Variants in PHKA1 observed in about 807,000 individuals in gnomAD.
PHKA1 encodes phosphorylase b kinase regulatory subunit alpha, skeletal muscle isoform.
Under a neutral mutation model 110.2 loss-of-function variants are expected in PHKA1, and 60 were observed. That is an observed-to-expected ratio of 0.54 (90% CI 0.44 to 0.68). PHKA1 has a LOEUF of 0.68. PHKA1 is among the 30% of genes least tolerant of loss of function. The pLI is 0.00. For missense variants in PHKA1, 801 were observed against 942.5 expected (o/e 0.85, Z 1.97); for synonymous variants, 316 against 333.6 (o/e 0.95, Z 0.58).
At chrX:72,638,373 C>CA (rs781972512) in intron 14 of PHKA1, among the ~76,000 whole-genome samples, 1,060 of 37,849 alleles carry the variant, frequency 0.028, 15 homozygotes, top group African/African-American at 0.073. Context: ...GAGCTTCTCT[C>CA]AAAAAAAAAA....
intron 10 of PHKA1, among the ~76,000 whole-genome samples, chrX:72,654,959 G>A (rs1052722568): frequency 4.6e-5 from 5 of 108,615 alleles, no homozygotes; most frequent in Non-Finnish European, 7.7e-5. Flanking sequence ...CACTACGCCC[G>A]GCTAATTTTT....
intron 28 of PHKA1, among the ~76,000 whole-genome samples, chrX:72,595,239 A>C (rs1477636706): frequency 9.0e-6 from 1 of 111,654 alleles, no homozygotes; most frequent in African/African-American, 3.3e-5. Context: ...AATTCGACAC[A>C]CCTTCATGAT....
chrX:72,656,377 C>T (rs2053497442), intron 9 of PHKA1, 135 bp from the exon 10 acceptor site: 1 of 615,794 alleles, frequency 1.6e-6, no homozygotes, highest in Admixed American at 2.6e-5. Flanking sequence ...TGTACATACT[C>T]CCTTCCCTTA....
chrX:72,668,076 C>T (rs1556307178), intron 6 of PHKA1, among the ~76,000 whole-genome samples: 1 of 111,773 alleles, frequency 8.9e-6, no homozygotes, highest in Admixed American at 9.5e-5. Flanking sequence ...TCTCATATGG[C>T]TATAATAAAG....
intron 14 of PHKA1, among the ~76,000 whole-genome samples, chrX:72,641,193 C>T (rs1217061863): frequency 9.0e-6 from 1 of 111,568 alleles, no homozygotes; most frequent in Non-Finnish European, 1.9e-5. Flanking sequence ...TTAGTTATGT[C>T]ACTATGAATT....
At chrX:72,613,757 G>A (rs928565774) in intron 21 of PHKA1, among the ~76,000 whole-genome samples, 42 of 111,508 alleles carry the variant, frequency 3.8e-4, no homozygotes, top group African/African-American at 1.3e-3. Context: ...CCAACCAAGC[G>A]ATCAAAGTTT....
intron 31 of PHKA1, among the ~76,000 whole-genome samples, 182 bp from the exon 32 acceptor site, chrX:72,581,357 G>A (rs2052334798): frequency 9.0e-6 from 1 of 111,298 alleles, no homozygotes. Flanking sequence ...TTTGTATGCA[G>A]GCATTTTTCA....
intron 12 of PHKA1, among the ~76,000 whole-genome samples, chrX:72,650,960 C>G (rs1326501295): frequency 2.7e-5 from 3 of 111,943 alleles, no homozygotes; most frequent in African/African-American, 9.8e-5. Flanking sequence ...GCAATCCTCC[C>G]GCTTTGGCCT....
chrX:72,619,612 C>A (rs781914033), intron 19 of PHKA1, among the ~76,000 whole-genome samples: 3 of 111,814 alleles, frequency 2.7e-5, no homozygotes, highest in Non-Finnish European at 5.6e-5. Flanking sequence ...TGATGGAATA[C>A]GACATATAAT....
chrX:72,711,604 C>T (rs1569454919), intron 2 of PHKA1, among the ~76,000 whole-genome samples: 2 of 110,908 alleles, frequency 1.8e-5, no homozygotes, highest in Non-Finnish European at 1.9e-5. Context: ...ATTAGCCAGG[C>T]GTGGTGGCAC....
chrX:72,655,349 G>C (rs956919201), intron 10 of PHKA1, among the ~76,000 whole-genome samples: 1 of 111,699 alleles, frequency 9.0e-6, no homozygotes, highest in Non-Finnish European at 1.9e-5. Context: ...GGAGATCGAA[G>C]CTGCAGTGAG....
chrX:72,598,459 C>T (rs922548237), intron 28 of PHKA1, among the ~76,000 whole-genome samples: 5 of 111,423 alleles, frequency 4.5e-5, no homozygotes, highest in Non-Finnish European at 9.4e-5. Flanking sequence ...CTTCAGAATG[C>T]GACACATAGT....
Position 72,602,225 on chromosome X carries a change from A to G in PHKA1, c.2966T>C (p.Ile989Thr), listed in dbSNP as rs1365653749. The change falls in exon 27 of 32, where the codon ATT becomes ACT. Residue 989 changes from isoleucine to threonine, a missense_variant. Physicochemically the swap from Ile to Thr is moderately conservative, Grantham distance 89. This residue lies in a region of PHKA1 where 502 missense variants were observed against 519.2 expected (regional missense o/e 0.97). Transcript: ENST00000373542. ...NVSPAISIHE[I>T]GAVGATKTER... is the part of the protein sequence containing the mutation. ...TGTTTTGGTTGCTCCAACAGCACCA[A>G]TCTCGTGGATAGAAATAGCAGGACT... The G allele has an allele frequency of 8.3e-7, 1 of 1,202,049 alleles. No homozygotes were observed. Among genetic ancestry groups the G allele is most frequent in the Non-Finnish European group, 1.1e-6 (1 of 888,397 alleles).
At chrX:72,622,816 C>T in intron 18 of PHKA1, 1 of 753,760 alleles carries the variant, frequency 1.3e-6, no homozygotes, top group Non-Finnish European at 1.6e-6. Flanking sequence ...CTCTCACTCA[C>T]CACTGCTTCT....
Position 72,640,946 on chromosome X carries a change from T to C in PHKA1, c.1459+3416A>G, listed in dbSNP as rs782132546. ...TCACTGATAAAAGCTTACCATAAAA[T>C]ATAAATAATTGATAAATATATACAG... On this transcript the variant is annotated intron_variant, in intron 14 of 31. Transcript: ENST00000373542. 2.1e-3 allele frequency among the ~76,000 whole-genome samples: 237 copies of C among 111,294 alleles called. 6 individuals are homozygous for C. The highest frequency in any genetic ancestry group is 4.7e-4 in the Non-Finnish European group (25 of 52,936).
At chrX:72,591,516 G>C (rs1274811963) in intron 29 of PHKA1, among the ~76,000 whole-genome samples, 6 of 110,245 alleles carry the variant, frequency 5.4e-5, no homozygotes, top group African/African-American at 2.0e-4. Context: ...CCTATGTAAC[G>C]AGCTTGCACA....
intron 23 of PHKA1, among the ~76,000 whole-genome samples, chrX:72,607,484 C>T (rs1245468958): frequency 1.8e-5 from 2 of 111,976 alleles, no homozygotes; most frequent in African/African-American, 3.2e-5. Flanking sequence ...TGATGTTGAG[C>T]ACCTTTTCAT....
intron 29 of PHKA1, among the ~76,000 whole-genome samples, chrX:72,585,878 C>G (rs911678532): frequency 8.9e-6 from 1 of 112,220 alleles, no homozygotes; most frequent in Non-Finnish European, 1.9e-5. Flanking sequence ...GAGGGGTGTC[C>G]GCCATTGCTG....
intron 21 of PHKA1, among the ~76,000 whole-genome samples, chrX:72,613,239 C>T (rs781919944): frequency 1.8e-5 from 2 of 111,563 alleles, no homozygotes; most frequent in Non-Finnish European, 3.8e-5. Context: ...ATGTAGTTAT[C>T]ATCAAGATAT....
Sources: gnomAD v4.1 joint callset for allele counts (sites outside exome capture counted in the v4.1 genomes callset) on GRCh38, gnomAD v4.1.1 for gene constraint, gnomAD v4.1.1 regional missense constraint, MANE v1.5 for transcripts, NCBI Gene and HGNC (gene_info 2026-07-23, HGNC 2026-07-21) for gene names.